The following ARHGEF11 variants were observed in gnomAD, a reference collection of about 807,000 sequenced individuals.
ARHGEF11 encodes Rho guanine exchange factor (GEF) 11.
Under a neutral mutation model 193.7 loss-of-function variants are expected in ARHGEF11, and 55 were observed. The ratio of observed to expected loss-of-function variants is 0.28; its 90% CI spans 0.23 to 0.36. The LOEUF is 0.36. Ranked by LOEUF, ARHGEF11 falls within the 10% of genes least tolerant of loss-of-function variation. The pLI, the probability that ARHGEF11 is intolerant of heterozygous loss-of-function variation, is 1.00. For synonymous variants in ARHGEF11, 693 were observed against 768.0 expected, an observed-to-expected ratio of 0.90 and a Z score of 1.62; for missense variants, 1,723 against 2,005.6, an observed-to-expected ratio of 0.86 and a Z score of 2.69.
chr1:157,013,297 A>ACACACACACACC (rs1203026868), intron 1 of ARHGEF11, among the ~76,000 whole-genome samples: 1 of 150,194 alleles, frequency 6.7e-6, no homozygotes, highest in Non-Finnish European at 1.5e-5. Flanking sequence ...ACACACACAC[A>ACACACACACACC]CACCAAGAAC....
intron 37 of ARHGEF11, 115 bp downstream of exon 37, chr1:156,939,433 G>C: frequency 6.9e-7 from 1 of 1,455,456 alleles, no homozygotes; most frequent in East Asian, 2.3e-5. Flanking sequence ...CCCAGCGTAG[G>C]TCTCTGCTCA....
chr1:156,946,929 G>C lies in ARHGEF11; in HGVS notation c.2568+7C>G. On this transcript the variant is annotated splice_region_variant and intron_variant, in intron 27 of 40. Transcript: ENST00000368194. ...CCTTGCCAAGAGGGAGAAGTTTGGA[G>C]CCATACCCGGGCCAGCATGAGGTCA... The C allele has an allele frequency of 1.2e-6, 2 of 1,613,932 alleles. No individual in the cohort carries two copies. The highest frequency in any genetic ancestry group is 1.7e-6 in the Non-Finnish European group (2 of 1,180,042).
chr1:156,984,348 C>A lies in ARHGEF11; in HGVS notation c.214G>T (p.Val72Leu). ...SGDRIVLVQS[V>L]RPGGAAMKAG... ...GGGATGCAGCACTCACCAGGCCGCA[C>A]AGACTGCACCAGAACAATGCGATCC... The change falls in exon 3 of 41, where the codon GTG becomes TTG. Residue 72 changes from valine (V) to leucine (L), a missense_variant. Val to Leu is a conservative substitution (Grantham distance 32). Transcript: ENST00000368194. The A allele has an allele frequency of 6.3e-7, 1 of 1,587,774 alleles. No homozygotes were observed. The highest frequency in any genetic ancestry group is 8.6e-7 in the Non-Finnish European group (1 of 1,166,490).
At chr1:156,991,718 T>A (rs950759829) in intron 1 of ARHGEF11, among the ~76,000 whole-genome samples, 5 of 84,036 alleles carry the variant, frequency 5.9e-5, no homozygotes, top group Admixed American at 1.1e-4. Context: ...TTATTTTTTT[T>A]TTTTTTTTTT....
rs781203696 is a variant in ARHGEF11, at chr1:156,959,003, A to G, written c.1379+43T>C. 3.1e-6 allele frequency: 5 copies of G among 1,611,288 alleles called. No homozygotes were observed. The South Asian group carries it at 5.5e-5, about 18-fold the overall frequency. ...GGAAGGAGCCAGGGCCAAGAGGCGG[A>G]GGTGAACGAGGAGAGAGGTGGGAGG... is the stretch of plus-strand genomic sequence containing the variant. On this transcript the variant is annotated intron_variant, in intron 16 of 40. Coordinates refer to ENST00000368194, the MANE Select transcript of ARHGEF11 (RefSeq NM_198236.3).
chr1:157,042,025 T>G (rs370617771), intron 1 of ARHGEF11, among the ~76,000 whole-genome samples: 2 of 152,200 alleles, frequency 1.3e-5, no homozygotes, highest in East Asian at 1.9e-4. Context: ...TTAAAATCCA[T>G]AGAGTCTTGA....
intron 1 of ARHGEF11, among the ~76,000 whole-genome samples, chr1:157,011,482 A>G (rs1264807653): frequency 2.0e-5 from 3 of 152,126 alleles, no homozygotes; most frequent in African/African-American, 7.2e-5. Flanking sequence ...ATATATAAAA[A>G]CTGGACTTCA....
At chr1:157,046,717 C>A (rs1314370124), upstream of ARHGEF11, among the ~76,000 whole-genome samples, 1 of 152,190 alleles carries the variant, frequency 6.6e-6, no homozygotes, top group African/African-American at 2.4e-5. Context: ...GTTTCTAAAT[C>A]TTTACAAGTA....
intron 11 of ARHGEF11, 79 bp downstream of exon 11, chr1:156,967,908 C>G: frequency 3.1e-6 from 5 of 1,601,364 alleles, no homozygotes; most frequent in Non-Finnish European, 4.3e-6. Context: ...TGATCCAAGA[C>G]GATGTACTGG....
chr1:156,984,689 T>C (rs16837919), intron 2 of ARHGEF11, among the ~76,000 whole-genome samples: 2,864 of 152,242 alleles, frequency 0.019, 50 homozygotes, highest in South Asian at 0.053. Flanking sequence ...AAAATGCTTG[T>C]CTCTCACAAA....
intron 7 of ARHGEF11, among the ~76,000 whole-genome samples, chr1:156,975,147 T>C (rs1001633468): frequency 6.6e-6 from 1 of 152,206 alleles, no homozygotes; most frequent in African/African-American, 2.4e-5. Flanking sequence ...CGGAATAGAT[T>C]AGCACAGTGA....
intron 4 of ARHGEF11, among the ~76,000 whole-genome samples, chr1:156,979,849 A>C (rs1269778927): frequency 1.3e-5 from 2 of 152,120 alleles, no homozygotes; most frequent in Non-Finnish European, 1.5e-5. Flanking sequence ...TCATTCATTC[A>C]CTTATTTTTG....
At chr1:156,937,543 C>A in intron 38 of ARHGEF11, 47 bp from the exon 39 acceptor site, 1 of 1,495,998 alleles carries the variant, frequency 6.7e-7, no homozygotes, top group South Asian at 1.4e-5. Context: ...ACAGAGAAGT[C>A]GAAGCTATCC....
chr1:157,021,496 T>C (rs1205994656), intron 1 of ARHGEF11, among the ~76,000 whole-genome samples: 1 of 152,214 alleles, frequency 6.6e-6, no homozygotes, highest in African/African-American at 2.4e-5. Context: ...TAGGTGGTCA[T>C]GTAATGAGAG....
intron 1 of ARHGEF11, among the ~76,000 whole-genome samples, chr1:156,999,785 C>T (rs1666984678): frequency 6.6e-6 from 1 of 152,196 alleles, no homozygotes; most frequent in African/African-American, 2.4e-5. Flanking sequence ...GAAAGGCCTC[C>T]ATCTGTGGAA....
chr1:156,962,445 C>T (rs1219703465), intron 13 of ARHGEF11, among the ~76,000 whole-genome samples: 1 of 152,180 alleles, frequency 6.6e-6, no homozygotes, highest in East Asian at 1.9e-4. Flanking sequence ...CTTTCCCCGG[C>T]ACTTTGGTCT....
chr1:157,013,816 T>C (rs1386946008), intron 1 of ARHGEF11, among the ~76,000 whole-genome samples: 1 of 152,224 alleles, frequency 6.6e-6, no homozygotes, highest in Admixed American at 6.5e-5. Flanking sequence ...GACCCTGGTA[T>C]TTTCCTCCCA....
intron 11 of ARHGEF11, among the ~76,000 whole-genome samples, chr1:156,964,435 C>T (rs1661423308): frequency 6.6e-6 from 1 of 152,126 alleles, no homozygotes; most frequent in African/African-American, 2.4e-5. Context: ...CCAGTGATTC[C>T]CCAACAAGGT....
intron 15 of ARHGEF11, among the ~76,000 whole-genome samples, chr1:156,959,970 T>A (rs1660591097): frequency 8.8e-6 from 1 of 113,288 alleles, no homozygotes; most frequent in Admixed American, 1.3e-4. Context: ...AAAACCACTC[T>A]GGAGATTCCA....
Sources: gnomAD v4.1 joint callset for allele counts (sites outside exome capture counted in the v4.1 genomes callset) on GRCh38, gnomAD v4.1.1 for gene constraint, MANE v1.5 for transcripts, NCBI Gene and HGNC (gene_info 2026-07-23, HGNC 2026-07-21) for gene names.